The following NPFFR2 variants were observed in gnomAD, a reference collection of about 807,000 sequenced individuals.
The protein encoded by NPFFR2 is neuropeptide FF receptor 2, also known as G-protein coupled receptor 74.
NPFFR2 carries 15 observed loss-of-function variants against 13.1 expected under a neutral mutation model. The observed-to-expected ratio is 1.15, with a 90% CI of 0.77 to 1.76. The LOEUF (loss-of-function observed/expected upper bound fraction) is 1.76, where lower values mean the gene tolerates loss of function less well. NPFFR2 is among the 40% of genes most tolerant of loss of function. The probability of loss-of-function intolerance (pLI) is 0.00; values close to 1 mark genes in which losing one functional copy is unlikely to be tolerated. For synonymous variants in NPFFR2, 190 were observed against 175.7 expected (o/e 1.08, Z -0.65); for missense variants, 572 against 503.5 (o/e 1.14, Z -1.30).
intron 1 of NPFFR2, among the ~76,000 whole-genome samples, chr4:72,071,175 C>A (rs1720243275): frequency 6.6e-6 from 1 of 152,240 alleles, no homozygotes; most frequent in Middle Eastern, 3.4e-3. Context: ...TTTTTGTTAA[C>A]CAAGCTCTCC....
rs1183347987 is a variant in NPFFR2, at chr4:72,076,048, G to A, written c.-8+43848G>A. ...CAGACAGCACAAGCCAAAGCAGGAA[G>A]GAACAAAGCACTTTCTATACTTGGG... On this transcript the variant is annotated intron_variant, in intron 1 of 3. Transcript: ENST00000308744. Among the ~76,000 whole-genome samples the A allele has an allele frequency of 1.2e-4, 17 of 141,624 alleles. No individual in the cohort carries two copies. The Admixed American group carries it at 1.2e-3, about 10-fold the overall frequency. The allele number at this position is 141,624 out of a possible 152,430, so 92.9% of individuals were successfully genotyped here.
intron 1 of NPFFR2, among the ~76,000 whole-genome samples, chr4:72,127,725 C>G (rs1029376678): frequency 6.6e-6 from 1 of 151,946 alleles, no homozygotes; most frequent in Non-Finnish European, 1.5e-5. Context: ...AGACAAGTAA[C>G]CTAGCCCTAT....
chr4:72,119,887 T>G (rs1162044691), intron 1 of NPFFR2, among the ~76,000 whole-genome samples: 1 of 152,102 alleles, frequency 6.6e-6, no homozygotes, highest in East Asian at 1.9e-4. Context: ...GCAGTTTTTC[T>G]TTTTTTCATA....
At chr4:72,103,209 T>C (rs72856188) in intron 1 of NPFFR2, among the ~76,000 whole-genome samples, 401 of 152,308 alleles carry the variant, frequency 2.6e-3, no homozygotes, top group African/African-American at 9.3e-3. Context: ...TTCTATTATG[T>C]GATTTATAAA....
intron 1 of NPFFR2, among the ~76,000 whole-genome samples, chr4:72,058,321 C>A (rs1462156186): frequency 6.6e-6 from 1 of 151,532 alleles, no homozygotes; most frequent in African/African-American, 2.4e-5. Flanking sequence ...TTTGGGGATT[C>A]TGAAAAGTAT....
In NPFFR2 at chr4:72,102,053, T is replaced by C. The variant is rs1004358429; in HGVS notation, c.-7-26532T>C. On this transcript the variant is annotated intron_variant, in intron 1 of 3. Transcript: ENST00000308744. ...AATTAATTGAAGATGTGATTTTTGT[T>C]TTTGAAAACTCATATAAATTGGAAT... 5.3e-5 allele frequency among the ~76,000 whole-genome samples: 8 copies of C among 152,264 alleles called. 1 individual carries two copies. The highest frequency in any genetic ancestry group is 5.2e-4 in the Admixed American group (8 of 15,284).
intron 1 of NPFFR2, among the ~76,000 whole-genome samples, chr4:72,117,372 C>A (rs1421095016): frequency 6.6e-6 from 1 of 152,146 alleles, no homozygotes; most frequent in African/African-American, 2.4e-5. Flanking sequence ...CATATGAATA[C>A]ATGTTTAATA....
intron 1 of NPFFR2, among the ~76,000 whole-genome samples, chr4:72,115,111 T>C (rs1262401190): frequency 1.3e-5 from 2 of 152,302 alleles, no homozygotes; most frequent in Middle Eastern, 3.4e-3. Flanking sequence ...ACTTAAATTT[T>C]TGTCTGTTCA....
chr4:72,111,511 G>A (rs1721565579), intron 1 of NPFFR2, among the ~76,000 whole-genome samples: 1 of 151,950 alleles, frequency 6.6e-6, no homozygotes, highest in South Asian at 2.1e-4. Flanking sequence ...AACCTTCAGG[G>A]ACTGGCCAGA....
rs1722470416 is a variant in NPFFR2 at position 72,138,008 on chromosome 4, T to C, written c.329-32T>C. ...TTTCAGTGAGATTTTGAAAATATGA[T>C]CTTTTGAAAGACTGTTTCATTTTCC... On this transcript the variant is annotated intron_variant, in intron 2 of 3. Coordinates refer to ENST00000308744, the MANE Select transcript of NPFFR2 (RefSeq NM_004885.3). 2.0e-6 allele frequency: 3 copies of C among 1,496,098 alleles called. No individual in the cohort carries two copies. In the East Asian group the frequency reaches 6.8e-5, roughly 34 times the overall value. The allele number at this position is 1,496,098 out of a possible 1,614,324, so 92.7% of individuals were successfully genotyped here.
chr4:72,116,420 G>A (rs1343466298), intron 1 of NPFFR2, among the ~76,000 whole-genome samples: 1 of 151,542 alleles, frequency 6.6e-6, no homozygotes, highest in Non-Finnish European at 1.5e-5. Flanking sequence ...TACTAGATGG[G>A]AAGGGAAGGA....
At chr4:72,074,591 G>A (rs2109787144) in intron 1 of NPFFR2, among the ~76,000 whole-genome samples, 1 of 152,054 alleles carries the variant, frequency 6.6e-6, no homozygotes, top group South Asian at 2.1e-4. Context: ...TCCACTTTGG[G>A]TCTGGGAGCG....
intron 1 of NPFFR2, among the ~76,000 whole-genome samples, chr4:72,081,739 C>T (rs1720628893): frequency 6.6e-6 from 1 of 152,056 alleles, no homozygotes; most frequent in South Asian, 2.1e-4. Flanking sequence ...AGTCCTCCCG[C>T]CTTGGCCTCC....
rs565423018 is a variant in NPFFR2 at position 72,035,397 on chromosome 4, C to T, written c.-8+3197C>T. Among the ~76,000 whole-genome samples the T allele has an allele frequency of 6.6e-5, 10 of 152,302 alleles. 1 individual carries two copies. The highest frequency in any genetic ancestry group is 2.1e-4 in the South Asian group (1 of 4,824). ...ATCCTGCATCTGCAGGTAGGCATTT[C>T]GCAGTATAGTTTCTATAGTATTCAC... On this transcript the variant is annotated intron_variant, in intron 1 of 3. Coordinates refer to ENST00000308744, the MANE Select transcript of NPFFR2 (RefSeq NM_004885.3).
chr4:72,032,295 T>C (rs900280588), intron 1 of NPFFR2, 95 bp downstream of exon 1: 44 of 1,318,548 alleles, frequency 3.3e-5, no homozygotes, highest in Middle Eastern at 2.7e-4. Flanking sequence ...ATATTAGCGA[T>C]TGTGGACCGA....
chr4:72,096,561 A>G (rs553577631), intron 1 of NPFFR2, among the ~76,000 whole-genome samples: 15 of 152,256 alleles, frequency 9.9e-5, no homozygotes, highest in African/African-American at 3.6e-4. Context: ...TATCTCAATT[A>G]AAATTCTTTT....
At chr4:72,142,370 A>G (rs563771266) in intron 3 of NPFFR2, among the ~76,000 whole-genome samples, 5 of 152,242 alleles carry the variant, frequency 3.3e-5, no homozygotes, top group Admixed American at 1.3e-4. Context: ...GAAATTCCCC[A>G]ACCCCTTTTG....
intron 1 of NPFFR2, among the ~76,000 whole-genome samples, chr4:72,087,596 T>A (rs1438613457): frequency 6.6e-6 from 1 of 151,934 alleles, no homozygotes; most frequent in Non-Finnish European, 1.5e-5. Flanking sequence ...AGCCCCTGTA[T>A]AGGATGGGGA....
intron 1 of NPFFR2, among the ~76,000 whole-genome samples, chr4:72,102,141 CCTT>C (rs1221252658): frequency 6.6e-6 from 1 of 151,912 alleles, no homozygotes; most frequent in African/African-American, 2.4e-5. Flanking sequence ...GGTTTATTCT[CCTT>C]AATCATTTCA....
Sources: gnomAD v4.1 joint callset for allele counts (sites outside exome capture counted in the v4.1 genomes callset) on GRCh38, gnomAD v4.1.1 for gene constraint, MANE v1.5 for transcripts, NCBI Gene and HGNC (gene_info 2026-07-23, HGNC 2026-07-21) for gene names.